Variants in UBE2H observed in about 807,000 individuals in gnomAD.
The protein encoded by UBE2H is ubiquitin conjugating enzyme E2 H, also known as ubiquitin-conjugating enzyme E2 H.
In UBE2H, 3 loss-of-function variants were observed where a neutral mutation model predicts 29.0. The observed-to-expected ratio is 0.10, with a 90% confidence interval of 0.05 to 0.27. The LOEUF (loss-of-function observed/expected upper bound fraction) is 0.27. UBE2H is among the 10% of genes least tolerant of loss of function. UBE2H has a pLI of 1.00. For synonymous variants in UBE2H, 69 were observed against 82.9 expected (o/e 0.83, Z 0.91); for missense variants, 68 against 228.2 (o/e 0.30, Z 4.52).
chr7:129,936,593 CAA>C lies in UBE2H; in HGVS notation c.53+15908_53+15909del, dbSNP rs35593803. Among the ~76,000 whole-genome samples, 154 of 119,470 alleles carry C rather than the reference CAA, an allele frequency of 1.3e-3. 1 individual carries two copies. Among genetic ancestry groups the C allele is most frequent in the Admixed American group, 1.5e-3 (17 of 11,672 alleles). 78.4% of individuals were successfully genotyped at this position (119,470 alleles called of 152,430 possible). A position where few individuals can be genotyped will look rare whatever the true frequency, so the allele number is the denominator to read the frequency against. ...TGGGTGACACAGCCAGACTCCATCT[CAA>C]AAAAAAAAAAAAAATAGAATTTCTA... On this transcript the variant is annotated intron_variant, in intron 1 of 6. Coordinates refer to ENST00000355621, the MANE Select transcript of UBE2H (RefSeq NM_003344.4).
intron 5 of UBE2H, among the ~76,000 whole-genome samples, chr7:129,851,747 G>T (rs540560752): frequency 6.6e-6 from 1 of 152,160 alleles, no homozygotes; most frequent in Non-Finnish European, 1.5e-5. Context: ...ACCAGTGAGT[G>T]TGGTATTTTT....
chr7:129,857,240 T>C, intron 5 of UBE2H: 1 of 428,550 alleles, frequency 2.3e-6, no homozygotes, highest in Non-Finnish European at 4.1e-6. Flanking sequence ...CATGTATTCA[T>C]GTGTGTGCGC....
chr7:129,902,063 T>C (rs1422107406), intron 1 of UBE2H, among the ~76,000 whole-genome samples: 1 of 152,228 alleles, frequency 6.6e-6, no homozygotes, highest in African/African-American at 2.4e-5. Context: ...CACTTAGTCC[T>C]ACTTCTTTCA....
chr7:129,841,787 T>TTC (rs1485066663), intron 5 of UBE2H, among the ~76,000 whole-genome samples: 2 of 152,128 alleles, frequency 1.3e-5, no homozygotes, highest in African/African-American at 2.4e-5. Flanking sequence ...TATAGTAAGG[T>TTC]TCTCATGTAC....
At chr7:129,946,537 A>AC (rs1443642328) in intron 1 of UBE2H, among the ~76,000 whole-genome samples, 1 of 152,214 alleles carries the variant, frequency 6.6e-6, no homozygotes, top group Non-Finnish European at 1.5e-5. Flanking sequence ...GTGGTCCTGG[A>AC]CCAGAAGCAT....
At chr7:129,861,062 A>C (rs1318863905) in intron 3 of UBE2H, among the ~76,000 whole-genome samples, 4 of 152,054 alleles carry the variant, frequency 2.6e-5, no homozygotes, top group African/African-American at 9.7e-5. Context: ...TCTCTAGTAA[A>C]AAGAAATAAA....
chr7:129,847,820 G>T (rs1157827288), intron 5 of UBE2H, among the ~76,000 whole-genome samples: 1 of 152,036 alleles, frequency 6.6e-6, no homozygotes, highest in Non-Finnish European at 1.5e-5. Context: ...GGAGTAGGTT[G>T]ACTCTAACGC....
At chr7:129,878,675 TCC>T (rs1806194557) in intron 3 of UBE2H, among the ~76,000 whole-genome samples, 1 of 84,614 alleles carries the variant, frequency 1.2e-5, no homozygotes, top group Non-Finnish European at 2.1e-5. Context: ...AGAGTGAGAC[TCC>T]GTCTCAAAAA....
At chr7:129,837,095 C>T in intron 6 of UBE2H, among the ~76,000 whole-genome samples, 1 of 152,100 alleles carries the variant, frequency 6.6e-6, no homozygotes, top group East Asian at 1.9e-4. Context: ...AATACAGCGC[C>T]AACTAAATAT....
intron 1 of UBE2H, among the ~76,000 whole-genome samples, chr7:129,921,469 G>A (rs534958822): frequency 1.8e-4 from 28 of 152,112 alleles, no homozygotes; most frequent in Non-Finnish European, 3.1e-4. Flanking sequence ...AGGCCGAGGC[G>A]GGCGGATGAC....
intron 1 of UBE2H, among the ~76,000 whole-genome samples, chr7:129,912,271 T>C (rs1474726367): frequency 6.6e-6 from 1 of 152,220 alleles, no homozygotes; most frequent in African/African-American, 2.4e-5. Context: ...TACTACAGGC[T>C]GAGTATTCTT....
At chr7:129,885,728 T>C (rs929543973) in intron 1 of UBE2H, among the ~76,000 whole-genome samples, 3 of 152,112 alleles carry the variant, frequency 2.0e-5, no homozygotes, top group Non-Finnish European at 4.4e-5. Context: ...ACCAGTAAAA[T>C]GAGAAGCTAT....
At chr7:129,904,316 C>T (rs75541581) in intron 1 of UBE2H, among the ~76,000 whole-genome samples, 2 of 151,710 alleles carry the variant, frequency 1.3e-5, no homozygotes, top group East Asian at 1.9e-4. Context: ...ATGGGGATCT[C>T]GCTGTGTTGG....
intron 1 of UBE2H, among the ~76,000 whole-genome samples, chr7:129,950,741 C>G (rs181970302): frequency 6.6e-6 from 1 of 152,278 alleles, no homozygotes; most frequent in African/African-American, 2.4e-5. Context: ...TATGTCATTT[C>G]CTAGTTTCTA....
At chr7:129,924,300 C>T (rs1365626597) in intron 1 of UBE2H, among the ~76,000 whole-genome samples, 2 of 152,190 alleles carry the variant, frequency 1.3e-5, no homozygotes, top group African/African-American at 4.8e-5. Context: ...CACATCATTA[C>T]TAATGGCGTA....
At chr7:129,869,187 C>G (rs142487243) in intron 3 of UBE2H, among the ~76,000 whole-genome samples, 1 of 151,968 alleles carries the variant, frequency 6.6e-6, no homozygotes, top group Non-Finnish European at 1.5e-5. Context: ...ATCCGCCTGC[C>G]TCGGCCTCCC....
intron 1 of UBE2H, among the ~76,000 whole-genome samples, chr7:129,902,540 G>A (rs186444855): frequency 1.5e-4 from 23 of 152,316 alleles, no homozygotes; most frequent in African/African-American, 5.1e-4. Context: ...GAATAAGGGA[G>A]GCTCCATGGG....
chr7:129,896,110 G>A (rs1452370201), intron 1 of UBE2H, among the ~76,000 whole-genome samples: 1 of 151,980 alleles, frequency 6.6e-6, no homozygotes, highest in South Asian at 2.1e-4. Context: ...TTCAAGGCAG[G>A]TAGATCATCT....
rs1805237460 is a variant in UBE2H, at chr7:129,832,008, G to GA, written c.*2928dup. Reference sequence around the variant, plus strand: ...CCGCTGCCACCACCTCTAAAGCCAAGAATGTAGAGCCTCTGCCCAGGGATC... The same window carrying GA: ...CCGCTGCCACCACCTCTAAAGCCAAGAAATGTAGAGCCTCTGCCCAGGGATC... On this transcript the variant is annotated 3_prime_UTR_variant, in exon 7 of 7. Transcript: ENST00000355621. 1.3e-5 allele frequency: 2 copies of GA among 152,256 alleles called. No individual in the cohort carries two copies. The highest frequency in any genetic ancestry group is 4.8e-5 in the African/African-American group (2 of 41,460). 9.4% of individuals were successfully genotyped at this position (152,256 alleles called of 1,614,324 possible).
Sources: allele counts gnomAD v4.1 joint callset (sites outside exome capture counted in the v4.1 genomes callset), GRCh38; gene constraint gnomAD v4.1.1; transcripts MANE v1.5; gene names NCBI Gene and HGNC (gene_info 2026-07-23, HGNC 2026-07-21).